Variants in LMO7 observed in about 807,000 individuals in gnomAD.
LMO7 encodes LIM domain 7, also known as LIM domain only protein 7.
LMO7 carries 120 observed loss-of-function variants against 206.5 expected under a neutral mutation model. The ratio of observed to expected loss-of-function variants is 0.58; its 90% CI spans 0.50 to 0.68. The LOEUF (loss-of-function observed/expected upper bound fraction) is 0.68. LMO7 is among the 30% of genes least tolerant of loss of function. The probability of loss-of-function intolerance (pLI) is 0.00; values close to 1 mark genes in which losing one functional copy is unlikely to be tolerated. For missense variants in LMO7, 1,959 were observed against 1,957.9 expected, an observed-to-expected ratio of 1.00 and a Z score of -0.01; for synonymous variants, 706 against 681.5, an observed-to-expected ratio of 1.04 and a Z score of -0.56.
Position 75,856,595 on chromosome 13 carries a change from T to C in LMO7, c.4860T>C (p.Tyr1620=). The stretch of plus-strand genomic sequence containing the variant: ...ACCAACTGTACTGCAACGACTGCTA[T>C]CTCAGATTCAAATGTAAGAGAGCAA... ...RNHQLYCNDC[Y]LRFKSGRPTA... Residue 1620 remains tyrosine, a synonymous_variant, in exon 30 of 31, where the codon TAT becomes TAC. Coordinates refer to ENST00000377534, the MANE Select transcript of LMO7 (RefSeq NM_001306080.2). The C allele has an allele frequency of 6.2e-7, 1 of 1,602,726 alleles. No individual in the cohort carries two copies.
At chr13:75,769,492 C>T (rs192958451) in intron 4 of LMO7, among the ~76,000 whole-genome samples, 109 of 151,494 alleles carry the variant, frequency 7.2e-4, no homozygotes, top group Non-Finnish European at 1.1e-3. Context: ...TAAAAAAAAA[C>T]GTGGTATACT....
At chr13:75,665,337 A>G (rs1296870257) in intron 1 of LMO7, among the ~76,000 whole-genome samples, 1 of 151,998 alleles carries the variant, frequency 6.6e-6, no homozygotes, top group Non-Finnish European at 1.5e-5. Flanking sequence ...TTCTTTCTAT[A>G]GTATACTTAT....
At chr13:75,743,370 A>G (rs1398591884) in intron 3 of LMO7, among the ~76,000 whole-genome samples, 1 of 152,200 alleles carries the variant, frequency 6.6e-6, no homozygotes, top group South Asian at 2.1e-4. Context: ...TATATACCCA[A>G]ATCATTCTAT....
intron 1 of LMO7, among the ~76,000 whole-genome samples, chr13:75,663,588 A>G (rs9600517): frequency 0.52 from 78,999 of 151,308 alleles, 20,886 homozygotes; most frequent in Admixed American, 0.62. Context: ...CCGCCACTAC[A>G]CCCGGCTAGT....
chr13:75,718,897 A>T (rs1402572252), intron 2 of LMO7, among the ~76,000 whole-genome samples: 1 of 151,750 alleles, frequency 6.6e-6, no homozygotes, highest in East Asian at 1.9e-4. Context: ...TACAGTGCAT[A>T]GCCTTTTCAG....
At chr13:75,816,444 A>G (rs1189624446) in intron 11 of LMO7, among the ~76,000 whole-genome samples, 3 of 152,196 alleles carry the variant, frequency 2.0e-5, no homozygotes, top group South Asian at 4.1e-4. Flanking sequence ...GAGAGCACAC[A>G]TGTGCCTGTG....
At position 75,819,381 on chromosome 13, in the gene LMO7, T is replaced by G; in HGVS notation, c.2065-12T>G. 1 of 1,586,930 alleles carries G rather than the reference T, an allele frequency of 6.3e-7. No homozygotes were observed. Among genetic ancestry groups the G allele is most frequent in the Non-Finnish European group, 8.5e-7 (1 of 1,170,882 alleles). On this transcript the variant is annotated splice_polypyrimidine_tract_variant and intron_variant, in intron 12 of 30. Transcript: ENST00000377534. Reference sequence around the variant, plus strand: ...TTCAGGTGTGCCCCTGCTGATGTGATTTTTCTGTCAGGACCTTGCAAAATG... The same window carrying G: ...TTCAGGTGTGCCCCTGCTGATGTGAGTTTTCTGTCAGGACCTTGCAAAATG...
In LMO7 at chr13:75,807,708, A is replaced by T; in HGVS notation, c.1425A>T (p.Pro475=). Residue 475 remains proline, a synonymous_variant, in exon 10 of 31, where the codon CCA becomes CCT. Coordinates refer to ENST00000377534, the MANE Select transcript of LMO7 (RefSeq NM_001306080.2). ...AGACTGGGGCTTTCCATGCAAATCC[A>T]TATGTTCTCCGAGCTTTTGAAGACT... is the stretch of plus-strand genomic sequence containing the variant. ...VRKTGAFHAN[P]YVLRAFEDFR... 6.2e-7 allele frequency: 1 copy of T among 1,614,016 alleles called. No individual in the cohort carries two copies. Among genetic ancestry groups the T allele is most frequent in the South Asian group, 1.1e-5 (1 of 91,088 alleles).
chr13:75,856,846 A>C, intron 30 of LMO7: 1 of 383,886 alleles, frequency 2.6e-6, no homozygotes, highest in Non-Finnish European at 4.8e-6. Context: ...CAGTGTCCAA[A>C]AGTCAGGATG....
rs375216506 is a variant in LMO7, at chr13:75,672,041, C to T, written c.69+35315C>T. On this transcript the variant is annotated intron_variant, in intron 1 of 30. Transcript: ENST00000377534. ...GAAACACAATACAGTCGACCCTCAG[C>T]ATGCCTGGAGGATTGGCATCAGGAC... Among the ~76,000 whole-genome samples the T allele has an allele frequency of 3.9e-5, 6 of 152,082 alleles. No homozygotes were observed. The East Asian group carries it at 9.6e-4, about 24-fold the overall frequency.
intron 20 of LMO7, chr13:75,839,767 T>C (rs1595449875): frequency 4.3e-6 from 1 of 230,072 alleles, no homozygotes; most frequent in Non-Finnish European, 8.3e-6. Context: ...AACTATGAGA[T>C]GCTGCCCAGT....
chr13:75,655,637 TTATATATATA>T (rs67966172), intron 1 of LMO7, among the ~76,000 whole-genome samples: 96 of 134,728 alleles, frequency 7.1e-4, no homozygotes, highest in African/African-American at 1.6e-3. Flanking sequence ...TTCATGGATT[TTATATATATA>T]TATATATATA....
At chr13:75,808,232 T>G in intron 10 of LMO7, 33 bp downstream of exon 10, 1 of 1,565,448 alleles carries the variant, frequency 6.4e-7, no homozygotes, top group Non-Finnish European at 8.7e-7. Context: ...ATTTTGCTTG[T>G]AATGGATGGT....
At chr13:75,852,322 C>T (rs994716885) in intron 27 of LMO7, among the ~76,000 whole-genome samples, 1 of 152,176 alleles carries the variant, frequency 6.6e-6, no homozygotes, top group Non-Finnish European at 1.5e-5. Context: ...AAACAGTAGA[C>T]ACCCATGGCC....
rs750132161 is a variant in LMO7 at position 75,853,360 on chromosome 13, TC to T, written c.4634del (p.Ser1545TyrfsTer31). 134 of 1,611,138 alleles carry T rather than the reference TC, an allele frequency of 8.3e-5. No homozygotes were observed. The highest frequency in any genetic ancestry group is 1.1e-4 in the Non-Finnish European group (124 of 1,178,530). ...CCCGAGAAGCCATTCCCCTTCAGCT[TC>T]ACAGTCAGGCTCTCAGCTGCGTAAC... ...PTPRSHSPSA[S>X]QSGSQLRNRS... is the part of the protein sequence containing the mutation. On this transcript the variant is annotated frameshift_variant, in exon 28 of 31. Coordinates refer to ENST00000377534, the MANE Select transcript of LMO7 (RefSeq NM_001306080.2). LOFTEE classifies it high-confidence loss of function.
intron 3 of LMO7, among the ~76,000 whole-genome samples, chr13:75,738,982 G>A (rs552021979): frequency 1.4e-4 from 22 of 152,258 alleles, no homozygotes; most frequent in South Asian, 1.2e-3. Context: ...GAGGTCTGTC[G>A]TGTGCATTGT....
rs555695316 is a variant in LMO7, at chr13:75,741,390, C to A, written c.210+14292C>A. ...AAGAATTTATAGCATAAAACTTAGCCATTTACTAAAAATAAGGTCAGTTTA... is the reference window on the plus strand; with the variant it reads ...AAGAATTTATAGCATAAAACTTAGCAATTTACTAAAAATAAGGTCAGTTTA... On this transcript the variant is annotated intron_variant, in intron 3 of 30. Coordinates refer to ENST00000377534, the MANE Select transcript of LMO7 (RefSeq NM_001306080.2). Among the ~76,000 whole-genome samples the A allele has an allele frequency of 2.6e-5, 4 of 152,258 alleles. No individual in the cohort carries two copies. In the East Asian group the frequency reaches 5.8e-4, roughly 22 times the overall value.
intron 4 of LMO7, among the ~76,000 whole-genome samples, chr13:75,788,542 C>G (rs1191000162): frequency 6.6e-6 from 1 of 151,852 alleles, no homozygotes; most frequent in East Asian, 1.9e-4. Flanking sequence ...GCCACACATG[C>G]CTCCGCTCTT....
intron 4 of LMO7, among the ~76,000 whole-genome samples, chr13:75,770,221 G>A (rs1433012892): frequency 1.3e-5 from 2 of 151,836 alleles, no homozygotes; most frequent in African/African-American, 4.8e-5. Flanking sequence ...CCATGTCCTG[G>A]AGGAGAAATA....
Sources: gnomAD v4.1 joint callset for allele counts (sites outside exome capture counted in the v4.1 genomes callset) on GRCh38, gnomAD v4.1.1 for gene constraint, MANE v1.5 for transcripts, NCBI Gene and HGNC (gene_info 2026-07-23, HGNC 2026-07-21) for gene names.